Variants in ACOT11 observed in about 807,000 individuals in gnomAD.
ACOT11 encodes acyl-coenzyme A thioesterase 11.
In ACOT11, 69 loss-of-function variants were observed where a neutral mutation model predicts 77.5. The ratio of observed to expected loss-of-function variants is 0.89; its 90% CI spans 0.73 to 1.09. The LOEUF is 1.09. ACOT11 is among the 50% of genes least tolerant of loss of function. The probability of loss-of-function intolerance (pLI) is 0.00; values close to 1 mark genes in which losing one functional copy is unlikely to be tolerated. For synonymous variants in ACOT11, 279 were observed against 313.0 expected, an observed-to-expected ratio of 0.89 and a Z score of 1.15; for missense variants, 766 against 813.7, an observed-to-expected ratio of 0.94 and a Z score of 0.71.
chr1:54,565,762 C>G (rs57395150), intron 1 of ACOT11, among the ~76,000 whole-genome samples: 1,881 of 152,244 alleles, frequency 0.012, 29 homozygotes, highest in African/African-American at 0.041. Flanking sequence ...TCAGTAGGAT[C>G]CCTCCTACTG....
intron 3 of ACOT11, 40 bp from the exon 4 acceptor site, chr1:54,592,506 G>A: frequency 6.3e-7 from 1 of 1,592,088 alleles, no homozygotes; most frequent in Non-Finnish European, 8.6e-7. Context: ...CCTCCCTCTG[G>A]CCCCTCTGGA....
At chr1:54,582,337 C>T (rs184006689) in intron 1 of ACOT11, 2 of 600,508 alleles carry the variant, frequency 3.3e-6, no homozygotes, top group East Asian at 1.4e-4. Context: ...AACTCAAGTC[C>T]GTCTCTGTTT....
intron 1 of ACOT11, among the ~76,000 whole-genome samples, chr1:54,549,840 T>C (rs1557642162): frequency 6.6e-6 from 1 of 152,210 alleles, no homozygotes; most frequent in African/African-American, 2.4e-5. Context: ...GCAGAGTGTC[T>C]CCCAGGAGGG....
chr1:54,632,883 C>A (rs1160128262), intron 16 of ACOT11, among the ~76,000 whole-genome samples: 1 of 152,136 alleles, frequency 6.6e-6, no homozygotes, highest in Admixed American at 6.5e-5. Context: ...GCCCGATGGA[C>A]AACCTGGGAC....
chr1:54,604,422 T>C lies in ACOT11; in HGVS notation c.1229T>C (p.Ile410Thr). 2 of 1,613,988 alleles carry C rather than the reference T, an allele frequency of 1.2e-6. No individual in the cohort carries two copies. The part of the protein sequence containing the change: ...AKDNWVLSSE[I>T]SQVRLYTLED... Reference sequence around the variant, plus strand: ...GACAACTGGGTGCTGTCCTCGGAGATCAGTCAGGTAGCTGACCCCACCCAC... The same window carrying C: ...GACAACTGGGTGCTGTCCTCGGAGACCAGTCAGGTAGCTGACCCCACCCAC... The change falls in exon 12 of 16, where the codon ATC (isoleucine) becomes ACC (threonine). Residue 410 changes from isoleucine to threonine, a missense_variant. Transcript: ENST00000343744.
chr1:54,548,546 G>T, intron 1 of ACOT11: 1 of 667,992 alleles, frequency 1.5e-6, no homozygotes, highest in Admixed American at 2.9e-5. Flanking sequence ...CCCAGGGGCT[G>T]TCAGATCCCC....
At chr1:54,548,380 A>T (rs1480390733) in intron 1 of ACOT11, 38 bp downstream of exon 1, 1 of 1,587,272 alleles carries the variant, frequency 6.3e-7, no homozygotes, top group Non-Finnish European at 8.6e-7. Context: ...AGGGCTCTGG[A>T]AGCTGGGCAC....
At chr1:54,558,649 C>T (rs1435153243) in intron 1 of ACOT11, among the ~76,000 whole-genome samples, 1 of 152,152 alleles carries the variant, frequency 6.6e-6, no homozygotes, top group African/African-American at 2.4e-5. Flanking sequence ...AAGGCTGGGG[C>T]GAGCTTGGTG....
At chr1:54,603,778 C>T in intron 10 of ACOT11, 93 bp from the exon 11 acceptor site, 2 of 1,252,626 alleles carry the variant, frequency 1.6e-6, no homozygotes, top group Admixed American at 3.4e-5. Flanking sequence ...CCGGGCTCAG[C>T]ACAGGGCCTA....
intron 1 of ACOT11, among the ~76,000 whole-genome samples, chr1:54,571,857 A>T (rs1653939113): frequency 6.6e-6 from 1 of 151,622 alleles, no homozygotes; most frequent in African/African-American, 2.4e-5. Flanking sequence ...CTGAGTGGGG[A>T]GGTGCTGCTG....
Position 54,604,338 on chromosome 1 carries a change from T to C in ACOT11, c.1153-8T>C. The C allele has an allele frequency of 6.2e-7, 1 of 1,613,368 alleles. No homozygotes were observed. Among genetic ancestry groups the C allele is most frequent in the Non-Finnish European group, 8.5e-7 (1 of 1,179,558 alleles). On this transcript the variant is annotated splice_polypyrimidine_tract_variant and splice_region_variant and intron_variant, in intron 11 of 15. Coordinates refer to ENST00000343744, the MANE Select transcript of ACOT11 (RefSeq NM_147161.4). ...TGGGGTAGTGGTAGCACCTGTGTAC[T>C]CTTTCAGGTGTACCTGAGCTACAAT...
chr1:54,579,232 CTTTT>C (rs111292245), intron 1 of ACOT11, among the ~76,000 whole-genome samples: 2 of 151,578 alleles, frequency 1.3e-5, no homozygotes, highest in African/African-American at 4.9e-5. Flanking sequence ...CACTACTACC[CTTTT>C]TTTTTCTTGT....
chr1:54,604,140 C>G (rs1370058843), intron 11 of ACOT11, among the ~76,000 whole-genome samples: 1 of 152,136 alleles, frequency 6.6e-6, no homozygotes, highest in Non-Finnish European at 1.5e-5. Context: ...AGTAGCTTGT[C>G]TAGGGTCACA....
chr1:54,570,611 C>T (rs573582293), intron 1 of ACOT11, among the ~76,000 whole-genome samples: 11 of 152,160 alleles, frequency 7.2e-5, no homozygotes, highest in Non-Finnish European at 1.5e-4. Flanking sequence ...CTCCTGGGTT[C>T]AAGCGATTCT....
intron 1 of ACOT11, among the ~76,000 whole-genome samples, chr1:54,572,450 G>A (rs1412632613): frequency 2.6e-5 from 4 of 152,140 alleles, no homozygotes; most frequent in Non-Finnish European, 4.4e-5. Flanking sequence ...GAGGGGAAGA[G>A]GCCGGGTCTG....
Position 54,585,909 on chromosome 1 carries a change from G to A in ACOT11, c.311+5G>A. The A allele has an allele frequency of 6.2e-7, 1 of 1,613,996 alleles. No individual in the cohort carries two copies. Among genetic ancestry groups the A allele is most frequent in the Non-Finnish European group, 8.5e-7 (1 of 1,179,942 alleles). On this transcript the variant is annotated splice_donor_5th_base_variant and intron_variant, in intron 3 of 15. Transcript: ENST00000343744. ...CTATTTTGAGCACACCATTAGGTAA[G>A]TGGCCCCTCCTGCCTCAAGGTCCTC...
intron 13 of ACOT11, among the ~76,000 whole-genome samples, chr1:54,605,867 A>C (rs17110797): frequency 6.6e-6 from 1 of 152,284 alleles, no homozygotes; most frequent in South Asian, 2.1e-4. Context: ...GTGTTTTTCA[A>C]GTCCCCTTAA....
At chr1:54,554,997 C>T (rs923490383) in intron 1 of ACOT11, among the ~76,000 whole-genome samples, 4 of 152,142 alleles carry the variant, frequency 2.6e-5, no homozygotes, top group African/African-American at 7.2e-5. Flanking sequence ...CTCACTCTGT[C>T]GCCCAGGCTG....
In ACOT11 at chr1:54,610,179, C is replaced by G. The variant is rs1161617115; in HGVS notation, c.*1067C>G. 147 of 1,432,540 alleles carry G rather than the reference C, an allele frequency of 1.0e-4. 5 individuals are homozygous for G. In the South Asian group the frequency reaches 2.2e-3, roughly 21 times the overall value. 88.7% of individuals were successfully genotyped at this position (1,432,540 alleles called of 1,614,324 possible). ...CCATGACTCAGCCTGGGGGCTGGTG[C>G]CGGCCTTGCCTGCAGCAATGTAGCT... is the stretch of plus-strand genomic sequence containing the variant. On this transcript the variant is annotated 3_prime_UTR_variant, in exon 16 of 16. Transcript: ENST00000343744.
Sources: allele counts gnomAD v4.1 joint callset (sites outside exome capture counted in the v4.1 genomes callset), GRCh38; gene constraint gnomAD v4.1.1; transcripts MANE v1.5; gene names NCBI Gene and HGNC (gene_info 2026-07-23, HGNC 2026-07-21).